Variants in DRP2 observed in about 807,000 individuals in gnomAD.
DRP2 encodes dystrophin related protein 2.
In DRP2, 29 loss-of-function variants were observed where a neutral mutation model predicts 78.2. The ratio of observed to expected loss-of-function variants is 0.37; its 90% confidence interval spans 0.28 to 0.51. DRP2 has a LOEUF of 0.51. Among genes scored for constraint, DRP2 ranks in the 20% least tolerant of loss-of-function variants. The pLI is 0.94. For synonymous variants in DRP2, 290 were observed against 281.9 expected, an observed-to-expected ratio of 1.03 and a Z score of -0.29; for missense variants, 686 against 770.6, an observed-to-expected ratio of 0.89 and a Z score of 1.30.
intron 3 of DRP2, among the ~76,000 whole-genome samples, chrX:101,232,559 G>T (rs1188249128): frequency 1.8e-5 from 2 of 111,439 alleles, no homozygotes; most frequent in African/African-American, 6.5e-5. Context: ...GAAGGAGGAA[G>T]GGAGGAAGAA....
At chrX:101,220,661 G>C (rs2147323862) in intron 1 of DRP2, among the ~76,000 whole-genome samples, 1 of 111,030 alleles carries the variant, frequency 9.0e-6, no homozygotes, top group South Asian at 3.9e-4. Context: ...CAGGTTCCCT[G>C]AACAAATGAG....
Position 101,241,856 on chromosome X carries a change from G to A in DRP2, c.748G>A (p.Ala250Thr). The change falls in exon 7 of 24, where the codon GCT (alanine) becomes ACT (threonine). Residue 250 changes from alanine (A) to threonine (T), a missense_variant. Around this residue, in one of 2 missense-constraint regions of DRP2, gnomAD observed 263 missense variants for 239.1 expected, o/e 1.10. Transcript: ENST00000395209. ...MEELSTTLSQ[A>T]EGVRATWEPI... is the part of the protein sequence containing the mutation. ...GGAACTAAGCACTACTCTGAGCCAAGCTGAGGGAGTCCGAGCCACTTGGGA... is the reference window on the plus strand; with the variant it reads ...GGAACTAAGCACTACTCTGAGCCAAACTGAGGGAGTCCGAGCCACTTGGGA... 8.4e-7 allele frequency: 1 copy of A among 1,192,854 alleles called. No individual in the cohort carries two copies. Among genetic ancestry groups the A allele is most frequent in the African/African-American group, 1.7e-5 (1 of 57,223 alleles).
At position 101,261,169 on chromosome X, in the gene DRP2, G is replaced by A. The variant is rs1923541981; in HGVS notation, c.*548G>A. 1 of 111,584 alleles carries A rather than the reference G, an allele frequency of 9.0e-6. No individual in the cohort carries two copies. The highest frequency in any genetic ancestry group is 3.9e-4 in the South Asian group (1 of 2,535). The allele number at this position is 111,584 out of a possible 1,213,427, so 9.2% of individuals were successfully genotyped here. The stretch of plus-strand genomic sequence containing the variant: ...TGTGTGTTCTATTACTTCAGCTCCA[G>A]GACAGATTGCTAGCCATCCTAATGC... On this transcript the variant is annotated 3_prime_UTR_variant, in exon 24 of 24. Transcript: ENST00000395209.
intron 4 of DRP2, among the ~76,000 whole-genome samples, chrX:101,236,885 G>C (rs184295102): frequency 9.0e-5 from 10 of 111,494 alleles, no homozygotes; most frequent in Admixed American, 7.7e-4. Context: ...TGGTGGTGAG[G>C]GGGGGGCAAT....
intron 2 of DRP2, 81 bp from the exon 3 acceptor site, chrX:101,231,504 G>A (rs1974617701): frequency 1.7e-6 from 1 of 572,886 alleles, no homozygotes; most frequent in Non-Finnish European, 3.1e-6. Flanking sequence ...TGTATATCTG[G>A]TCAAGGCACC....
intron 7 of DRP2, 117 bp from the exon 8 acceptor site, chrX:101,242,208 A>T: frequency 2.8e-6 from 3 of 1,061,892 alleles, no homozygotes; most frequent in Non-Finnish European, 3.8e-6. Context: ...ATAGGCAAGC[A>T]CTAGGCTGTG....
In DRP2 at chrX:101,260,377, G is replaced by T. The variant is rs1923506780; in HGVS notation, c.2750-120G>T. ...GCACAACCTATGTATTAGGCATTGT[G>T]CTGGGAAGATGCAAATGCTGCGGGC... is the stretch of plus-strand genomic sequence containing the variant. On this transcript the variant is annotated intron_variant, in intron 23 of 23. Coordinates refer to ENST00000395209, the MANE Select transcript of DRP2 (RefSeq NM_001939.3). 3 of 1,011,842 alleles carry T rather than the reference G, an allele frequency of 3.0e-6. No individual in the cohort carries two copies. In the African/African-American group the frequency reaches 5.7e-5, roughly 19 times the overall value. 83.4% of individuals were successfully genotyped at this position (1,011,842 alleles called of 1,213,427 possible).
Position 101,260,695 on chromosome X carries a change from C to T in DRP2, c.*74C>T. 1 of 1,119,991 alleles carries T rather than the reference C, an allele frequency of 8.9e-7. No homozygotes were observed. Among genetic ancestry groups the T allele is most frequent in the Non-Finnish European group, 1.2e-6 (1 of 841,293 alleles). The allele number at this position is 1,119,991 out of a possible 1,213,427, so 92.3% of individuals were successfully genotyped here. A position where few individuals can be genotyped will look rare whatever the true frequency, so the allele number is the denominator to read the frequency against. ...TCAAAGCCTTTCCTCAGCCTTCACC[C>T]AACCTTTCCAGTTTCCACTGGCCCC... On this transcript the variant is annotated 3_prime_UTR_variant, in exon 24 of 24. Transcript: ENST00000395209.
intron 8 of DRP2, 142 bp downstream of exon 8, chrX:101,242,613 A>C (rs1442422305): frequency 1.2e-6 from 1 of 804,006 alleles, no homozygotes; most frequent in Non-Finnish European, 1.8e-6. Context: ...GGGCTTTTCA[A>C]CCTCTAAGCT....
At chrX:101,227,760 G>A (rs1051897504) in intron 2 of DRP2, among the ~76,000 whole-genome samples, 1 of 112,144 alleles carries the variant, frequency 8.9e-6, no homozygotes, top group African/African-American at 3.2e-5. Flanking sequence ...TTTAGGACCA[G>A]AAGAAATCTA....
chrX:101,258,645 C>A, intron 22 of DRP2, 99 bp downstream of exon 22: 2 of 769,986 alleles, frequency 2.6e-6, no homozygotes, highest in South Asian at 2.7e-5. Flanking sequence ...AGAGAGAGCT[C>A]CTTGGCAGTG....
At chrX:101,252,916 C>T (rs1923189108) in intron 17 of DRP2, among the ~76,000 whole-genome samples, 200 bp downstream of exon 17, 2 of 112,194 alleles carry the variant, frequency 1.8e-5, no homozygotes, top group African/African-American at 3.2e-5. Flanking sequence ...GGCCTGGCCA[C>T]AGCTGGCCCA....
intron 11 of DRP2, among the ~76,000 whole-genome samples, chrX:101,246,583 G>C (rs1922941516): frequency 1.8e-5 from 2 of 111,967 alleles, no homozygotes; most frequent in African/African-American, 6.5e-5. Flanking sequence ...TTTTCAGTCT[G>C]CAGGTCATAA....
intron 3 of DRP2, among the ~76,000 whole-genome samples, chrX:101,234,877 G>A (rs925986911): frequency 3.6e-5 from 4 of 110,397 alleles, no homozygotes; most frequent in African/African-American, 1.3e-4. Context: ...CAAGAGTCTT[G>A]GCCACTGACT....
At chrX:101,236,151 C>T (rs2090346826) in intron 4 of DRP2, 128 bp downstream of exon 4, 4 of 694,650 alleles carry the variant, frequency 5.8e-6, no homozygotes, top group South Asian at 2.7e-5. Flanking sequence ...CCCTTTCCTA[C>T]ACTGGCACTG....
intron 12 of DRP2, 34 bp from the exon 13 acceptor site, chrX:101,248,055 A>G (rs747111804): frequency 9.3e-6 from 11 of 1,181,568 alleles, no homozygotes; most frequent in Non-Finnish European, 1.3e-5. Flanking sequence ...ACTTTTGGCT[A>G]TATTTTTTTT....
intron 9 of DRP2, among the ~76,000 whole-genome samples, chrX:101,243,646 T>C (rs1237185230): frequency 8.9e-6 from 1 of 112,055 alleles, no homozygotes; most frequent in Non-Finnish European, 1.9e-5. Context: ...CTCTAGGCAC[T>C]GGGGCTGCAT....
intron 1 of DRP2, among the ~76,000 whole-genome samples, chrX:101,224,198 T>TTTTTTTTTG (rs1922016563): frequency 1.6e-5 from 1 of 61,439 alleles, no homozygotes; most frequent in Non-Finnish European, 2.9e-5. Context: ...TTTGTTTTTT[T>TTTTTTTTTG]TTTTTTTTTT....
intron 6 of DRP2, among the ~76,000 whole-genome samples, chrX:101,239,703 G>A (rs188807450): frequency 5.6e-4 from 62 of 110,850 alleles, no homozygotes; most frequent in Non-Finnish European, 9.5e-5. Flanking sequence ...TCAGCCTCCC[G>A]AGTAGCTGGG....
Sources: gnomAD v4.1 joint callset for allele counts (sites outside exome capture counted in the v4.1 genomes callset) on GRCh38, gnomAD v4.1.1 for gene constraint, gnomAD v4.1.1 regional missense constraint, MANE v1.5 for transcripts, NCBI Gene and HGNC (gene_info 2026-07-23, HGNC 2026-07-21) for gene names.